Variants in KIAA1217 observed in about 807,000 individuals in gnomAD.
KIAA1217 encodes the protein KIAA1217.
A neutral mutation model predicts 163.9 loss-of-function variants in KIAA1217; 88 were observed. That is an observed-to-expected ratio of 0.54 (90% CI 0.45 to 0.64). KIAA1217 has a LOEUF of 0.64. Ranked by LOEUF, KIAA1217 falls within the 30% of genes least tolerant of loss-of-function variation. KIAA1217 has a pLI of 0.00. For missense variants in KIAA1217, 2,372 were observed against 2,475.0 expected, an observed-to-expected ratio of 0.96 and a Z score of 0.88; for synonymous variants, 903 against 923.1, an observed-to-expected ratio of 0.98 and a Z score of 0.39.
chr10:24,160,219 T>C (rs78429818), intron 2 of KIAA1217, among the ~76,000 whole-genome samples: 2,030 of 152,308 alleles, frequency 0.013, 41 homozygotes, highest in African/African-American at 0.047. Flanking sequence ...ATGAGCATTT[T>C]GATATCATTT....
chr10:24,544,151 G>C lies in KIAA1217; in HGVS notation c.4881G>C (p.Arg1627Ser), dbSNP rs751904260. ...AAGCCAAGCGCTTCGAAATCGCTAG[G>C]TCTCAACCTGAAGACACCCCTGAAA... ...HKEAKRFEIA[R>S]SQPEDTPENT... The change falls in exon 19 of 21, where the codon AGG becomes AGC. Residue 1627 changes from arginine to serine, a missense_variant. Coordinates refer to ENST00000376454, the MANE Select transcript of KIAA1217 (RefSeq NM_019590.5). 4.7e-5 allele frequency: 76 copies of C among 1,613,992 alleles called. No homozygotes were observed. Among genetic ancestry groups the C allele is most frequent in the Non-Finnish European group, 5.8e-5 (69 of 1,180,040 alleles).
intron 1 of KIAA1217, among the ~76,000 whole-genome samples, chr10:23,952,511 A>C (rs1411804238): frequency 6.6e-6 from 1 of 152,166 alleles, no homozygotes; most frequent in East Asian, 1.9e-4. Context: ...TAAGTACCTG[A>C]ATGCTCAAGG....
At chr10:23,956,135 A>G (rs1844547801) in intron 1 of KIAA1217, among the ~76,000 whole-genome samples, 1 of 152,200 alleles carries the variant, frequency 6.6e-6, no homozygotes, top group Non-Finnish European at 1.5e-5. Flanking sequence ...AGGTGAGTCC[A>G]TAAGGGAGCT....
chr10:23,789,614 C>G (rs1160431137), intron 1 of KIAA1217, among the ~76,000 whole-genome samples: 1 of 152,060 alleles, frequency 6.6e-6, no homozygotes, highest in Non-Finnish European at 1.5e-5. Context: ...ATTCTAGCAA[C>G]TCAGTAAATG....
intron 1 of KIAA1217, among the ~76,000 whole-genome samples, chr10:23,815,507 G>A (rs1389723633): frequency 1.3e-5 from 2 of 152,260 alleles, no homozygotes; most frequent in East Asian, 1.9e-4. Flanking sequence ...AGCTGGGCGT[G>A]GTGGCAGGCG....
chr10:23,824,398 G>A (rs1837770333), intron 1 of KIAA1217, among the ~76,000 whole-genome samples: 1 of 151,624 alleles, frequency 6.6e-6, no homozygotes, highest in Non-Finnish European at 1.5e-5. Flanking sequence ...GGGAGGTCGA[G>A]GTGGGCAGAC....
intron 2 of KIAA1217, among the ~76,000 whole-genome samples, chr10:24,128,083 T>A (rs1333336608): frequency 6.6e-6 from 1 of 152,254 alleles, no homozygotes; most frequent in Non-Finnish European, 1.5e-5. Flanking sequence ...CATCCTTTGC[T>A]GAATTTTATT....
intron 2 of KIAA1217, among the ~76,000 whole-genome samples, chr10:24,201,368 AC>A (rs2067246693): frequency 6.6e-6 from 1 of 152,192 alleles, no homozygotes; most frequent in Non-Finnish European, 1.5e-5. Flanking sequence ...CCCTGGCCCA[AC>A]CAGTCATTAA....
intron 2 of KIAA1217, among the ~76,000 whole-genome samples, chr10:24,295,046 C>T (rs2040425273): frequency 6.6e-6 from 1 of 152,168 alleles, no homozygotes; most frequent in South Asian, 2.1e-4. Context: ...TCTGGGCTGA[C>T]CTAAAACCAA....
intron 1 of KIAA1217, among the ~76,000 whole-genome samples, chr10:23,857,297 C>T (rs143239091): frequency 4.3e-4 from 65 of 152,234 alleles, no homozygotes; most frequent in African/African-American, 1.3e-3. Flanking sequence ...ATTTTTTTGT[C>T]ACCTCTTCTG....
chr10:24,080,870 A>G (rs1564676702), intron 2 of KIAA1217, among the ~76,000 whole-genome samples: 1 of 141,518 alleles, frequency 7.1e-6, no homozygotes, highest in Non-Finnish European at 1.5e-5. Context: ...ACGTTTGTCA[A>G]AATTATTTTT....
chr10:23,700,417 C>A (rs1194978323), intron 1 of KIAA1217, among the ~76,000 whole-genome samples: 1 of 152,104 alleles, frequency 6.6e-6, no homozygotes, highest in East Asian at 1.9e-4. Context: ...ATTCCATACA[C>A]AGCCACAGCA....
At chr10:24,263,475 A>G (rs1420107068) in intron 2 of KIAA1217, among the ~76,000 whole-genome samples, 1 of 152,166 alleles carries the variant, frequency 6.6e-6, no homozygotes, top group Non-Finnish European at 1.5e-5. Flanking sequence ...AACGGCATGA[A>G]TGATGTCTTT....
At chr10:23,728,963 C>A (rs1490372131) in intron 1 of KIAA1217, among the ~76,000 whole-genome samples, 1 of 152,200 alleles carries the variant, frequency 6.6e-6, no homozygotes, top group South Asian at 2.1e-4. Context: ...TTCACCCCTT[C>A]CCCCACTCCC....
At chr10:23,763,880 A>G (rs913824060) in intron 1 of KIAA1217, among the ~76,000 whole-genome samples, 2 of 152,224 alleles carry the variant, frequency 1.3e-5, no homozygotes. Flanking sequence ...TAAAATAAGT[A>G]AAGTTTAAAA....
intron 1 of KIAA1217, among the ~76,000 whole-genome samples, chr10:23,703,720 TCTC>T (rs1188404574): frequency 4.6e-5 from 7 of 151,816 alleles, no homozygotes; most frequent in South Asian, 2.1e-4. Context: ...TCTTATTCTT[TCTC>T]CTCCTCCTCC....
chr10:23,807,148 G>A (rs148337020), intron 1 of KIAA1217, among the ~76,000 whole-genome samples: 69 of 152,346 alleles, frequency 4.5e-4, no homozygotes, highest in South Asian at 2.5e-3. Context: ...GAAGCTCAGC[G>A]ATTCATTTCA....
chr10:24,261,499 C>CA (rs574514121), intron 2 of KIAA1217, among the ~76,000 whole-genome samples: 96,452 of 131,818 alleles, frequency 0.73, 34,018 homozygotes, highest in Admixed American at 0.78. Context: ...CTGTCTCAGA[C>CA]AAAAAAAAAA....
chr10:23,972,959 G>GT (rs1427541408), intron 1 of KIAA1217, among the ~76,000 whole-genome samples: 1 of 151,922 alleles, frequency 6.6e-6, no homozygotes. Flanking sequence ...GCCTGTTGGG[G>GT]TTTGGGGGTG....
Sources: gnomAD v4.1 joint callset for allele counts (sites outside exome capture counted in the v4.1 genomes callset) on GRCh38, gnomAD v4.1.1 for gene constraint, MANE v1.5 for transcripts, NCBI Gene and HGNC (gene_info 2026-07-23, HGNC 2026-07-21) for gene names.